VWA2: variants seen among roughly 807,000 people sequenced by gnomAD.
VWA2 encodes the protein von Willebrand factor A domain-containing protein 2.
Under a neutral mutation model 70.4 loss-of-function variants are expected in VWA2, and 73 were observed. The ratio of observed to expected loss-of-function variants is 1.04; its 90% CI spans 0.86 to 1.26. The LOEUF (loss-of-function observed/expected upper bound fraction) is 1.26, where lower values mean the gene tolerates loss of function less well. Ranked by LOEUF, VWA2 falls within the 50% of genes most tolerant of loss-of-function variation. VWA2 has a pLI of 0.00. For missense variants in VWA2, 1,011 were observed against 998.5 expected (o/e 1.01, Z -0.17); for synonymous variants, 407 against 423.3 (o/e 0.96, Z 0.47).
intron 5 of VWA2, among the ~76,000 whole-genome samples, chr10:114,264,564 C>T (rs1687176383): frequency 6.6e-6 from 1 of 151,876 alleles, no homozygotes; most frequent in South Asian, 2.1e-4. Flanking sequence ...ACTGTGGGTG[C>T]CCGCCACCAC....
chr10:114,263,871 A>G (rs2037501023), intron 5 of VWA2, among the ~76,000 whole-genome samples: 1 of 152,306 alleles, frequency 6.6e-6, no homozygotes, highest in Non-Finnish European at 1.5e-5. Flanking sequence ...ACATTGTTCC[A>G]AAGAAGATAG....
chr10:114,274,460 G>C (rs1398536567), intron 6 of VWA2, among the ~76,000 whole-genome samples: 1 of 152,044 alleles, frequency 6.6e-6, no homozygotes, highest in Non-Finnish European at 1.5e-5. Context: ...CTGCAGCCTC[G>C]ACTTAGGATA....
rs767954920 is a variant in VWA2 at position 114,261,303 on chromosome 10, T to C, written c.371+8T>C. 1.9e-6 allele frequency: 3 copies of C among 1,606,620 alleles called. No individual in the cohort carries two copies. Among genetic ancestry groups the C allele is most frequent in the Admixed American group, 1.7e-5 (1 of 60,018 alleles). On this transcript the variant is annotated splice_region_variant and intron_variant, in intron 5 of 13. Transcript: ENST00000392982. ...CAAGAGGATGGTTTTCAAGTATGTA[T>C]GATCAGATACTGCTGTGGTTAGGGT...
rs150712002 is a variant in VWA2, at chr10:114,286,077, G to A, written c.1136G>A (p.Arg379Gln). The A allele has an allele frequency of 4.6e-5, 75 of 1,614,006 alleles. No individual in the cohort carries two copies. Among genetic ancestry groups the A allele is most frequent in the Non-Finnish European group, 5.2e-5 (61 of 1,180,040 alleles). ...CGGGCCGTGCTGAGCGAGGACTCTC[G>A]GGCCCGAGTGGGTGTGGCCACATAC... The part of the protein sequence containing the change: ...FVRAVLSEDS[R>Q]ARVGVATYSR... Residue 379 changes from arginine to glutamine, a missense_variant, in exon 11 of 14, where the codon CGG (arginine) becomes CAG (glutamine). Transcript: ENST00000392982.
Position 114,261,298 on chromosome 10 carries a change from A to G in VWA2, c.371+3A>G. On this transcript the variant is annotated splice_donor_region_variant and intron_variant, in intron 5 of 13. Coordinates refer to ENST00000392982, the MANE Select transcript of VWA2 (RefSeq NM_001272046.2). ...AGAATCAAGAGGATGGTTTTCAAGT[A>G]TGTATGATCAGATACTGCTGTGGTT... is the stretch of plus-strand genomic sequence containing the variant. 1 of 1,611,930 alleles carries G rather than the reference A, an allele frequency of 6.2e-7. No individual in the cohort carries two copies. The highest frequency in any genetic ancestry group is 8.5e-7 in the Non-Finnish European group (1 of 1,178,004).
At chr10:114,248,825 C>T in intron 2 of VWA2, 60 bp downstream of exon 2, 1 of 1,478,310 alleles carries the variant, frequency 6.8e-7, no homozygotes, top group Non-Finnish European at 9.5e-7. Context: ...GGGTTGCTTG[C>T]TTCAAATCCT....
chr10:114,242,308 A>T (rs773360575), intron 1 of VWA2, among the ~76,000 whole-genome samples: 38 of 152,078 alleles, frequency 2.5e-4, no homozygotes, highest in Non-Finnish European at 1.8e-4. Flanking sequence ...TTTTAGAGAG[A>T]AGGAAATTGA....
At chr10:114,246,697 TC>T in intron 1 of VWA2, 2 of 1,557,540 alleles carry the variant, frequency 1.3e-6, no homozygotes, top group Non-Finnish European at 1.8e-6. Context: ...AAACAAAGAA[TC>T]AACTAGCAAA....
At chr10:114,280,121 C>T (rs537683224) in intron 8 of VWA2, among the ~76,000 whole-genome samples, 1 of 152,304 alleles carries the variant, frequency 6.6e-6, no homozygotes, top group Admixed American at 6.5e-5. Flanking sequence ...ATCATACCTG[C>T]CCTACAGGTT....
At chr10:114,282,759 AT>A (rs2038329769) in intron 9 of VWA2, among the ~76,000 whole-genome samples, 188 bp downstream of exon 9, 1 of 152,202 alleles carries the variant, frequency 6.6e-6, no homozygotes, top group Non-Finnish European at 1.5e-5. Flanking sequence ...CTCATTAAGA[AT>A]GGAGTGGCGG....
At chr10:114,250,470 C>T (rs1034556999) in intron 2 of VWA2, among the ~76,000 whole-genome samples, 1 of 152,204 alleles carries the variant, frequency 6.6e-6, no homozygotes, top group African/African-American at 2.4e-5. Context: ...GTCACAGCCT[C>T]GTGAGGCTCG....
At chr10:114,251,929 C>G (rs1234172654) in intron 2 of VWA2, among the ~76,000 whole-genome samples, 1 of 149,016 alleles carries the variant, frequency 6.7e-6, no homozygotes, top group African/African-American at 2.5e-5. Flanking sequence ...TCAAGTGATT[C>G]AACTGCCTCA....
rs1281796514 is a variant in VWA2 at position 114,277,987 on chromosome 10, G to A, written c.640G>A (p.Ala214Thr). ...GCTGTTGGCTGAGCAGGTGGAGGAT[G>A]CCACCAACGGCCTCTTCAGCACCCT... is the stretch of plus-strand genomic sequence containing the variant. ...HVLLAEQVED[A>T]TNGLFSTLSS... Residue 214 changes from alanine (A) to threonine (T), a missense_variant, in exon 7 of 14, where the codon GCC (alanine) becomes ACC (threonine). Ala to Thr is a moderately conservative substitution (Grantham distance 58, BLOSUM62 0). Transcript: ENST00000392982. 1 of 1,613,234 alleles carries A rather than the reference G, an allele frequency of 6.2e-7. No individual in the cohort carries two copies. Among genetic ancestry groups the A allele is most frequent in the Admixed American group, 1.7e-5 (1 of 60,008 alleles).
chr10:114,271,242 T>C (rs1289490461), intron 5 of VWA2, among the ~76,000 whole-genome samples: 3 of 152,176 alleles, frequency 2.0e-5, no homozygotes, highest in Non-Finnish European at 4.4e-5. Context: ...AGTAAATTTT[T>C]AACCCATGCA....
Position 114,291,244 on chromosome 10 carries a change from T to C in VWA2, c.*7T>C. 1.3e-6 allele frequency: 2 copies of C among 1,550,224 alleles called. No individual in the cohort carries two copies. Among genetic ancestry groups the C allele is most frequent in the Non-Finnish European group, 1.7e-6 (2 of 1,146,814 alleles). On this transcript the variant is annotated 3_prime_UTR_variant, in exon 14 of 14. Coordinates refer to ENST00000392982, the MANE Select transcript of VWA2 (RefSeq NM_001272046.2). Reference sequence around the variant, plus strand: ...ATTCTTGAGACGCCCCTGAGGCACATGGCTCCCGTGCAGGAGGGCAGCAGC... The same window carrying C: ...ATTCTTGAGACGCCCCTGAGGCACACGGCTCCCGTGCAGGAGGGCAGCAGC...
intron 5 of VWA2, among the ~76,000 whole-genome samples, chr10:114,262,864 T>C (rs1052352484): frequency 4.0e-4 from 61 of 152,356 alleles, no homozygotes; most frequent in Admixed American, 2.0e-4. Flanking sequence ...CCTTTTCTTC[T>C]TCCCCTGGAG....
intron 5 of VWA2, among the ~76,000 whole-genome samples, chr10:114,272,399 A>G (rs1338913361): frequency 6.6e-6 from 1 of 152,076 alleles, no homozygotes; most frequent in African/African-American, 2.4e-5. Flanking sequence ...TAACAAGAAG[A>G]TGATGCAGGG....
intron 12 of VWA2, chr10:114,289,999 A>G (rs2039404199): frequency 8.0e-6 from 3 of 376,848 alleles, no homozygotes; most frequent in Admixed American, 4.2e-5. Flanking sequence ...CCTCAAAAAA[A>G]AAAAAAAAAA....
chr10:114,283,682 C>A (rs2038489870), intron 9 of VWA2, among the ~76,000 whole-genome samples: 1 of 152,168 alleles, frequency 6.6e-6, no homozygotes, highest in East Asian at 1.9e-4. Flanking sequence ...TAGTTCCTAC[C>A]TAAGGTTGTG....
Sources: gnomAD v4.1 joint callset for allele counts (sites outside exome capture counted in the v4.1 genomes callset) on GRCh38, gnomAD v4.1.1 for gene constraint, MANE v1.5 for transcripts, NCBI Gene and HGNC (gene_info 2026-07-23, HGNC 2026-07-21) for gene names.